The following SGMS1 variants were observed in gnomAD, a reference collection of about 807,000 sequenced individuals.
SGMS1 encodes phosphatidylcholine:ceramide cholinephosphotransferase 1.
In SGMS1, 13 loss-of-function variants were observed where a neutral mutation model predicts 46.2. The ratio of observed to expected loss-of-function variants is 0.28; its 90% CI spans 0.18 to 0.45. The LOEUF is 0.45. SGMS1 is among the 20% of genes least tolerant of loss of function. The pLI, the probability that SGMS1 is intolerant of heterozygous loss-of-function variation, is 1.00. For missense variants in SGMS1, 324 were observed against 519.9 expected, an observed-to-expected ratio of 0.62 and a Z score of 3.66; for synonymous variants, 203 against 187.8, an observed-to-expected ratio of 1.08 and a Z score of -0.66.
intron 6 of SGMS1, among the ~76,000 whole-genome samples, chr10:50,355,709 G>C (rs1206499465): frequency 6.6e-6 from 1 of 152,328 alleles, no homozygotes; most frequent in East Asian, 1.9e-4. Flanking sequence ...TCTAGGAAGT[G>C]AGGAGCGCCT....
intron 6 of SGMS1, among the ~76,000 whole-genome samples, chr10:50,357,207 T>C (rs1345011726): frequency 6.6e-6 from 1 of 152,128 alleles, no homozygotes; most frequent in East Asian, 1.9e-4. Context: ...TAGCCTTTAA[T>C]ATTATAAAAA....
chr10:50,541,757 C>T (rs915597186), intron 2 of SGMS1, among the ~76,000 whole-genome samples: 5 of 152,260 alleles, frequency 3.3e-5, no homozygotes, highest in Admixed American at 2.6e-4. Flanking sequence ...ATCAAGAGAA[C>T]CAGGGTGGAG....
At chr10:50,471,266 C>T (rs1443898234) in intron 3 of SGMS1, among the ~76,000 whole-genome samples, 1 of 152,144 alleles carries the variant, frequency 6.6e-6, no homozygotes, top group African/African-American at 2.4e-5. Flanking sequence ...TACTTTATCC[C>T]TTCATTCGGC....
In SGMS1 at chr10:50,435,751, A is replaced by AAAAC. The variant is rs560542289; in HGVS notation, c.-312-2199_-312-2196dup. ...CAGTATGGATTTGTCAGTTATGTTA[A>AAAAC]AAACAAACAAACAAACAAACAAAAA... is the stretch of plus-strand genomic sequence containing the variant. On this transcript the variant is annotated intron_variant, in intron 5 of 10. Transcript: ENST00000361781. 5.5e-3 allele frequency among the ~76,000 whole-genome samples: 840 copies of AAAAC among 152,288 alleles called. 2 individuals are homozygous for AAAAC. Among genetic ancestry groups the AAAAC allele is most frequent in the African/African-American group, 0.019 (805 of 41,556 alleles).
Position 50,473,271 on chromosome 10 carries a change from C to T in SGMS1, c.-497-6339G>A, listed in dbSNP as rs561788597. Among the ~76,000 whole-genome samples the T allele has an allele frequency of 3.8e-4, 58 of 152,286 alleles. No homozygotes were observed. In the South Asian group the frequency reaches 0.012, roughly 31 times the overall value. On this transcript the variant is annotated intron_variant, in intron 3 of 10. Transcript: ENST00000361781. ...CCCACAAGCATGGGTTATGTCATAT[C>T]TCAAATATACAGTATATAATCCAGC...
intron 1 of SGMS1, among the ~76,000 whole-genome samples, chr10:50,611,083 G>A (rs1344709067): frequency 2.0e-5 from 3 of 152,232 alleles, no homozygotes; most frequent in East Asian, 1.9e-4. Flanking sequence ...TGCAGTCCAC[G>A]TGGTGAAAAT....
chr10:50,624,075 G>A (rs1838887486), upstream of SGMS1: 1 of 985,254 alleles, frequency 1.0e-6, no homozygotes, highest in Non-Finnish European at 1.2e-6. Flanking sequence ...TCCGCGGGGG[G>A]CTCCTCCCGG....
chr10:50,351,674 C>T (rs1430789541), intron 6 of SGMS1, among the ~76,000 whole-genome samples: 2 of 152,140 alleles, frequency 1.3e-5, no homozygotes, highest in East Asian at 1.9e-4. Context: ...TCTCTTGCCG[C>T]CACCATGTAA....
intron 6 of SGMS1, among the ~76,000 whole-genome samples, chr10:50,372,567 G>A (rs1036218420): frequency 1.2e-4 from 18 of 152,022 alleles, no homozygotes; most frequent in African/African-American, 3.4e-4. Context: ...GGTGGCAGAC[G>A]CCTGTAGTCC....
At chr10:50,537,496 G>A (rs1316387558) in intron 2 of SGMS1, among the ~76,000 whole-genome samples, 1 of 150,914 alleles carries the variant, frequency 6.6e-6, no homozygotes, top group Non-Finnish European at 1.5e-5. Context: ...TAGGGTACAT[G>A]TGCACAACGT....
At position 50,413,909 on chromosome 10, in the gene SGMS1, T is replaced by G. The variant is rs534908909; in HGVS notation, c.-232+19567A>C. On this transcript the variant is annotated intron_variant, in intron 6 of 10. Transcript: ENST00000361781. The stretch of plus-strand genomic sequence containing the variant: ...TGGACAAAATGTACAGACTTCAAAA[T>G]GTGACCATCTCTCTTTTACCACATT... Among the ~76,000 whole-genome samples, 4 of 152,388 alleles carry G rather than the reference T, an allele frequency of 2.6e-5. No individual in the cohort carries two copies. The East Asian group carries it at 5.8e-4, about 22-fold the overall frequency.
intron 6 of SGMS1, among the ~76,000 whole-genome samples, chr10:50,427,975 G>C (rs77053099): frequency 1.7e-5 from 2 of 114,640 alleles, no homozygotes; most frequent in Non-Finnish European, 3.9e-5. Context: ...GTGTGAATGA[G>C]AGAGAGAGAG....
chr10:50,526,876 C>T (rs916438511), intron 2 of SGMS1, among the ~76,000 whole-genome samples: 3 of 151,772 alleles, frequency 2.0e-5, no homozygotes, highest in Non-Finnish European at 2.9e-5. Flanking sequence ...ACCATCCTGG[C>T]CAACATGGTG....
chr10:50,499,757 C>T (rs1483183045), intron 3 of SGMS1, among the ~76,000 whole-genome samples: 1 of 152,152 alleles, frequency 6.6e-6, no homozygotes, highest in Non-Finnish European at 1.5e-5. Context: ...GTAGAGTGCA[C>T]ATTGTGAGAC....
rs115635703 is a variant in SGMS1, at chr10:50,337,253, C to T, written c.623+6239G>A. On this transcript the variant is annotated intron_variant, in intron 7 of 10. Transcript: ENST00000361781. ...ATAACCCCCATTCAACTGTTCTGCT[C>T]GCTGCTATATCCATAGCACACAGTC... Among the ~76,000 whole-genome samples the T allele has an allele frequency of 6.0e-3, 906 of 152,182 alleles. 11 individuals carry two copies. The highest frequency in any genetic ancestry group is 0.021 in the African/African-American group (861 of 41,520).
chr10:50,499,102 C>T (rs1431445957), intron 3 of SGMS1, among the ~76,000 whole-genome samples: 1 of 152,074 alleles, frequency 6.6e-6, no homozygotes, highest in African/African-American at 2.4e-5. Context: ...ATTAGAAAAC[C>T]TGATTTTCAT....
At chr10:50,497,651 G>A (rs565333403) in intron 3 of SGMS1, among the ~76,000 whole-genome samples, 6 of 152,226 alleles carry the variant, frequency 3.9e-5, no homozygotes, top group South Asian at 2.1e-4. Flanking sequence ...AAAATTAGCC[G>A]GACGTGGTGG....
At chr10:50,599,782 G>A (rs534266602) in intron 1 of SGMS1, among the ~76,000 whole-genome samples, 5 of 152,234 alleles carry the variant, frequency 3.3e-5, no homozygotes, top group African/African-American at 1.2e-4. Flanking sequence ...AGAATTGCTT[G>A]AACCCAGGAG....
intron 7 of SGMS1, among the ~76,000 whole-genome samples, chr10:50,330,973 A>G (rs913196169): frequency 2.0e-5 from 3 of 152,204 alleles, no homozygotes; most frequent in Non-Finnish European, 4.4e-5. Flanking sequence ...CTTCCTCAAC[A>G]GCAAAAGGAA....
Sources: allele counts gnomAD v4.1 joint callset (sites outside exome capture counted in the v4.1 genomes callset), GRCh38; gene constraint gnomAD v4.1.1; transcripts MANE v1.5; gene names NCBI Gene and HGNC (gene_info 2026-07-23, HGNC 2026-07-21).